The following SHISA9 variants were observed in gnomAD, a reference collection of about 807,000 sequenced individuals.
The protein encoded by SHISA9 is shisa family member 9, also known as protein shisa-9.
A neutral mutation model predicts 38.0 loss-of-function variants in SHISA9; 13 were observed. That is an observed-to-expected ratio of 0.34 (90% CI 0.22 to 0.54). SHISA9 has a LOEUF of 0.54. SHISA9 is among the 20% of genes least tolerant of loss of function. The pLI, the probability that SHISA9 is intolerant of heterozygous loss-of-function variation, is 0.91. For synonymous variants in SHISA9, 275 were observed against 242.0 expected (o/e 1.14, Z -1.27); for missense variants, 538 against 575.8 (o/e 0.93, Z 0.67).
the SHISA9 span, among the ~76,000 whole-genome samples, chr16:13,403,993 G>T: frequency 2.0e-5 from 3 of 152,190 alleles, no homozygotes; most frequent in African/African-American, 7.2e-5. Context: ...AAAAACACAA[G>T]ATATGGCAAG....
At chr16:13,107,583 C>T (rs982023655) in intron 2 of SHISA9, among the ~76,000 whole-genome samples, 28 of 151,200 alleles carry the variant, frequency 1.9e-4, no homozygotes, top group African/African-American at 6.6e-4. Flanking sequence ...GAAGATAGGT[C>T]CAGAATTTAC....
chr16:13,329,234 G>T, the SHISA9 span, among the ~76,000 whole-genome samples: 31 of 152,304 alleles, frequency 2.0e-4, no homozygotes, highest in Non-Finnish European at 3.8e-4. Context: ...TCTGCTGCAG[G>T]CTGGTTTTTC....
chr16:13,069,794 C>G lies in SHISA9; in HGVS notation c.692-133600C>G, dbSNP rs372215339. On this transcript the variant is annotated intron_variant, in intron 2 of 4. Coordinates refer to ENST00000558583, the MANE Select transcript of SHISA9 (RefSeq NM_001145204.3). ...GTGATTAGGTTATGAGGGCTTTGCT[C>G]TCATGAATGGGATCTGTACCCTTAT... 8.8e-4 allele frequency among the ~76,000 whole-genome samples: 134 copies of G among 152,190 alleles called. 2 individuals carry two copies. The South Asian group carries it at 0.016, about 18-fold the overall frequency.
chr16:13,141,261 T>G (rs955295864), intron 2 of SHISA9, among the ~76,000 whole-genome samples: 4 of 152,284 alleles, frequency 2.6e-5, no homozygotes, highest in African/African-American at 9.6e-5. Context: ...ATGGAGAGAT[T>G]TAAACAAGAG....
At chr16:13,285,488 T>TTA in the SHISA9 span, among the ~76,000 whole-genome samples, 2 of 123,754 alleles carry the variant, frequency 1.6e-5, no homozygotes, top group Non-Finnish European at 3.5e-5. Context: ...TTTTTTTTTT[T>TTA]ATAAAAGGAG....
intron 2 of SHISA9, among the ~76,000 whole-genome samples, chr16:13,161,150 A>G (rs1353806897): frequency 1.3e-5 from 2 of 152,166 alleles, no homozygotes; most frequent in Non-Finnish European, 2.9e-5. Flanking sequence ...GGAGGCAGAG[A>G]GAATTATAGT....
At chr16:12,932,515 A>G (rs547304889) in intron 2 of SHISA9, among the ~76,000 whole-genome samples, 1 of 152,080 alleles carries the variant, frequency 6.6e-6, no homozygotes, top group African/African-American at 2.4e-5. Context: ...CTAATTTAGT[A>G]TTTTTAGTAG....
the SHISA9 span, among the ~76,000 whole-genome samples, chr16:13,251,329 C>CT: frequency 3.9e-5 from 6 of 152,310 alleles, no homozygotes; most frequent in African/African-American, 1.4e-4. Flanking sequence ...TTTTGACTAA[C>CT]TTTTTTTACT....
intron 2 of SHISA9, among the ~76,000 whole-genome samples, chr16:12,954,306 A>G (rs984768267): frequency 6.6e-6 from 1 of 152,234 alleles, no homozygotes; most frequent in Non-Finnish European, 1.5e-5. Flanking sequence ...ATGAAACAGC[A>G]AATGTGGGCA....
chr16:13,266,667 T>G, the SHISA9 span, among the ~76,000 whole-genome samples: 1 of 152,202 alleles, frequency 6.6e-6, no homozygotes, highest in Non-Finnish European at 1.5e-5. Context: ...GGAAAACTCT[T>G]GCTGGAAGTC....
the SHISA9 span, among the ~76,000 whole-genome samples, chr16:13,449,666 C>A: frequency 6.6e-6 from 1 of 152,130 alleles, no homozygotes; most frequent in Non-Finnish European, 1.5e-5. Flanking sequence ...TGTAAAGCCC[C>A]CACTTGCCTT....
At chr16:13,261,990 A>G in the SHISA9 span, among the ~76,000 whole-genome samples, 1 of 152,188 alleles carries the variant, frequency 6.6e-6, no homozygotes, top group Non-Finnish European at 1.5e-5. Context: ...CAGCCTTCAT[A>G]TCAATAATAT....
the SHISA9 span, among the ~76,000 whole-genome samples, chr16:13,534,123 C>T: frequency 6.6e-6 from 1 of 152,042 alleles, no homozygotes; most frequent in Non-Finnish European, 1.5e-5. Context: ...AATACCACAT[C>T]TCCCTCCAAC....
the SHISA9 span, among the ~76,000 whole-genome samples, chr16:13,537,477 T>G: frequency 6.6e-6 from 1 of 151,816 alleles, no homozygotes; most frequent in South Asian, 2.1e-4. Flanking sequence ...AAAATTAGAA[T>G]AAATGGAATA....
chr16:13,103,464 G>T (rs2073898370), intron 2 of SHISA9, among the ~76,000 whole-genome samples: 1 of 152,212 alleles, frequency 6.6e-6, no homozygotes, highest in African/African-American at 2.4e-5. Flanking sequence ...AAGACCAGGG[G>T]CTAATGAATG....
intron 2 of SHISA9, among the ~76,000 whole-genome samples, chr16:13,023,764 T>A (rs78374544): frequency 0.086 from 13,044 of 152,306 alleles, 659 homozygotes; most frequent in East Asian, 0.13. Flanking sequence ...ATTTCTCTGA[T>A]GACCAGTGAT....
At chr16:12,970,326 C>CATAT (rs61455008) in intron 2 of SHISA9, among the ~76,000 whole-genome samples, 2 of 73,608 alleles carry the variant, frequency 2.7e-5, no homozygotes, top group South Asian at 3.8e-4. Flanking sequence ...GGTATATATA[C>CATAT]ATATATATAT....
At chr16:13,119,541 A>T (rs1275984127) in intron 2 of SHISA9, among the ~76,000 whole-genome samples, 2 of 152,250 alleles carry the variant, frequency 1.3e-5, no homozygotes, top group African/African-American at 2.4e-5. Flanking sequence ...TAAACCATCC[A>T]ATAACTACTA....
At chr16:12,916,573 G>C in intron 1 of SHISA9, 115 bp from the exon 2 acceptor site, 2 of 1,244,406 alleles carry the variant, frequency 1.6e-6, no homozygotes, top group Non-Finnish European at 2.2e-6. Context: ...AACTAGAATG[G>C]TGGCTCCATG....
Sources: gnomAD v4.1 joint callset for allele counts (sites outside exome capture counted in the v4.1 genomes callset) on GRCh38, gnomAD v4.1.1 for gene constraint, MANE v1.5 for transcripts, NCBI Gene and HGNC (gene_info 2026-07-23, HGNC 2026-07-21) for gene names.